The following SPATS2 variants were observed in gnomAD, a reference collection of about 807,000 sequenced individuals.
SPATS2 encodes the protein spermatogenesis-associated serine-rich protein 2.
SPATS2 carries 38 observed loss-of-function variants against 63.7 expected under a neutral mutation model. The ratio of observed to expected loss-of-function variants is 0.60; its 90% CI spans 0.46 to 0.78. The LOEUF is 0.78. Ranked by LOEUF, SPATS2 falls within the 30% of genes least tolerant of loss-of-function variation. SPATS2 has a pLI of 0.00. For missense variants in SPATS2, 588 were observed against 666.2 expected (o/e 0.88, Z 1.29); for synonymous variants, 207 against 232.9 (o/e 0.89, Z 1.01).
intron 2 of SPATS2, among the ~76,000 whole-genome samples, chr12:49,447,235 T>C (rs1191048724): frequency 6.6e-6 from 1 of 151,970 alleles, no homozygotes; most frequent in Non-Finnish European, 1.5e-5. Flanking sequence ...CAGACTGTTC[T>C]TCTATTTTCT....
chr12:49,481,231 G>C (rs544327095), intron 3 of SPATS2, among the ~76,000 whole-genome samples: 3 of 152,170 alleles, frequency 2.0e-5, no homozygotes, highest in African/African-American at 7.2e-5. Flanking sequence ...GTGGTAGCGC[G>C]TGCCTGTAAT....
At chr12:49,478,115 C>T (rs553022240) in intron 3 of SPATS2, among the ~76,000 whole-genome samples, 3 of 152,032 alleles carry the variant, frequency 2.0e-5, no homozygotes, top group East Asian at 1.9e-4. Context: ...GTTAGGACTA[C>T]AGATGCATGC....
At chr12:49,510,052 C>T (rs1322992322) in intron 9 of SPATS2, among the ~76,000 whole-genome samples, 3 of 150,998 alleles carry the variant, frequency 2.0e-5, no homozygotes, top group African/African-American at 7.3e-5. Context: ...AAACCAGGAG[C>T]TCAAGACCAG....
intron 4 of SPATS2, 128 bp from the exon 5 acceptor site, chr12:49,489,337 A>G: frequency 1.7e-6 from 1 of 600,704 alleles, no homozygotes; most frequent in Non-Finnish European, 2.9e-6. Flanking sequence ...ATGTACTGTC[A>G]CTGACACTAA....
intron 2 of SPATS2, among the ~76,000 whole-genome samples, chr12:49,390,524 GT>G (rs749385402): frequency 4.1e-4 from 62 of 152,194 alleles, no homozygotes; most frequent in Non-Finnish European, 7.1e-4. Flanking sequence ...AAAATATAAA[GT>G]TTTGCCACTG....
intron 2 of SPATS2, chr12:49,454,196 AT>A (rs1467002861): frequency 1.3e-5 from 2 of 152,338 alleles, no homozygotes; most frequent in Non-Finnish European, 2.9e-5. Flanking sequence ...CTAACCAGAC[AT>A]TCGAACTTCC....
At chr12:49,499,545 C>T (rs1174895572) in intron 8 of SPATS2, among the ~76,000 whole-genome samples, 1 of 151,970 alleles carries the variant, frequency 6.6e-6, no homozygotes, top group Non-Finnish European at 1.5e-5. Flanking sequence ...TCAGAATCCT[C>T]TGTGGATCTC....
At chr12:49,489,789 C>T (rs568782755) in intron 5 of SPATS2, among the ~76,000 whole-genome samples, 266 of 152,246 alleles carry the variant, frequency 1.7e-3, no homozygotes, top group Non-Finnish European at 3.0e-3. Context: ...CATTGTTTCA[C>T]GCTAAATGTT....
At chr12:49,444,387 TA>T (rs2137570168) in intron 2 of SPATS2, among the ~76,000 whole-genome samples, 1 of 152,068 alleles carries the variant, frequency 6.6e-6, no homozygotes, top group Non-Finnish European at 1.5e-5. Context: ...CCAGCTAATT[TA>T]AATTTTTTTT....
At chr12:49,442,785 T>TAAAAAAAAAAAAAAAAAAA (rs1945442679) in intron 2 of SPATS2, 1 of 62,916 alleles carries the variant, frequency 1.6e-5, no homozygotes, top group African/African-American at 4.2e-5. Context: ...CCATGTCTCC[T>TAAAAAAAAAAAAAAAAAAA]TAAAAAAAAA....
intron 2 of SPATS2, among the ~76,000 whole-genome samples, chr12:49,431,455 G>C (rs1945184665): frequency 1.3e-5 from 2 of 152,012 alleles, no homozygotes; most frequent in Admixed American, 1.3e-4. Context: ...TCACCGTGTT[G>C]GTCAGGCTGG....
At chr12:49,486,167 T>G (rs905636069) in intron 4 of SPATS2, 1 of 447,210 alleles carries the variant, frequency 2.2e-6, no homozygotes, top group Non-Finnish European at 4.5e-6. Context: ...TATCGTAGAG[T>G]CTGTAAGTTT....
chr12:49,474,117 T>C (rs1209718005), intron 3 of SPATS2, among the ~76,000 whole-genome samples: 8 of 152,238 alleles, frequency 5.3e-5, no homozygotes, highest in Non-Finnish European at 8.8e-5. Context: ...ACCTGTGTTA[T>C]ATATCACCAT....
chr12:49,455,590 T>G (rs1212985324), intron 2 of SPATS2, among the ~76,000 whole-genome samples: 1 of 152,108 alleles, frequency 6.6e-6, no homozygotes, highest in Non-Finnish European at 1.5e-5. Flanking sequence ...AAATTTTATT[T>G]TTTGTCAAGG....
chr12:49,497,392 CTTT>C (rs113685100), intron 8 of SPATS2, among the ~76,000 whole-genome samples: 2 of 142,926 alleles, frequency 1.4e-5, no homozygotes, highest in African/African-American at 2.5e-5. Context: ...CTGACATTGA[CTTT>C]TTTTTTTTTT....
intron 4 of SPATS2, among the ~76,000 whole-genome samples, chr12:49,489,012 T>C (rs1946341456): frequency 6.6e-6 from 1 of 152,224 alleles, no homozygotes; most frequent in Non-Finnish European, 1.5e-5. Flanking sequence ...TAATTTAAAT[T>C]GTTTGTATAA....
intron 9 of SPATS2, among the ~76,000 whole-genome samples, chr12:49,504,754 T>G (rs1238258366): frequency 7.4e-6 from 1 of 134,644 alleles, no homozygotes; most frequent in African/African-American, 3.3e-5. Flanking sequence ...TTCCTGTTTC[T>G]TTTCTTTCTT....
In SPATS2 at chr12:49,525,941, T is replaced by G. The variant is rs953580867; in HGVS notation, c.1327-3T>G. 3 of 1,612,082 alleles carry G rather than the reference T, an allele frequency of 1.9e-6. No individual in the cohort carries two copies. In the African/African-American group the frequency reaches 4.0e-5, roughly 22 times the overall value. On this transcript the variant is annotated splice_region_variant and splice_polypyrimidine_tract_variant and intron_variant, in intron 13 of 13. Coordinates refer to ENST00000552918, the MANE Select transcript of SPATS2 (RefSeq NM_023071.4). ...CTTGAACATTGTATTCTTTCATCTT[T>G]AGGTATTGCCAGGGAACAGACGAGG...
intron 2 of SPATS2, among the ~76,000 whole-genome samples, chr12:49,419,371 G>A (rs1944941799): frequency 6.6e-6 from 1 of 152,176 alleles, no homozygotes; most frequent in South Asian, 2.1e-4. Context: ...ACAAGCCTGG[G>A]AGTGGTTTGG....
Sources: allele counts gnomAD v4.1 joint callset (sites outside exome capture counted in the v4.1 genomes callset), GRCh38; gene constraint gnomAD v4.1.1; transcripts MANE v1.5; gene names NCBI Gene and HGNC (gene_info 2026-07-23, HGNC 2026-07-21).